Variants in ATF2 observed in about 807,000 individuals in gnomAD.
ATF2 encodes activating transcription factor 2.
A neutral mutation model predicts 60.6 loss-of-function variants in ATF2; 24 were observed. The observed-to-expected ratio is 0.40, with a 90% CI of 0.29 to 0.56. The LOEUF (loss-of-function observed/expected upper bound fraction) is 0.56, where lower values mean the gene tolerates loss of function less well. ATF2 is among the 20% of genes least tolerant of loss of function. The probability of loss-of-function intolerance (pLI) is 0.54; values close to 1 mark genes in which losing one functional copy is unlikely to be tolerated. For missense variants in ATF2, 433 were observed against 607.7 expected (o/e 0.71, Z 3.02); for synonymous variants, 206 against 215.4 (o/e 0.96, Z 0.38).
At chr2:175,158,376 T>C (rs539056829) in intron 1 of ATF2, among the ~76,000 whole-genome samples, 25 of 151,710 alleles carry the variant, frequency 1.6e-4, no homozygotes, top group African/African-American at 5.8e-4. Context: ...CAGGTACACA[T>C]GCCACCACAC....
intron 3 of ATF2, among the ~76,000 whole-genome samples, chr2:175,131,768 G>A (rs7571171): frequency 0.11 from 16,634 of 152,080 alleles, 1,223 homozygotes; most frequent in African/African-American, 0.21. Flanking sequence ...GTATGGCACC[G>A]CAGTTCTCAA....
At chr2:175,114,614 C>A in intron 8 of ATF2, 76 bp downstream of exon 8, 1 of 1,540,640 alleles carries the variant, frequency 6.5e-7, no homozygotes, top group South Asian at 1.3e-5. Flanking sequence ...TTTGAATAAT[C>A]AAATGTCTTA....
chr2:175,148,032 T>C (rs566227684), intron 2 of ATF2: 2 of 151,560 alleles, frequency 1.3e-5, no homozygotes, highest in Admixed American at 6.6e-5. Context: ...AGATTCAAAA[T>C]CATATTTTAG....
In ATF2 at chr2:175,118,281, G is replaced by C. The variant is rs771614896; in HGVS notation, c.288C>G (p.Phe96Leu). Residue 96 changes from phenylalanine to leucine, a missense_variant, in exon 6 of 14, where the codon TTC becomes TTG. Transcript: ENST00000264110. ...TAATGTCATCTTCTGAAGCTTTCTTGAATTCATTCTCAAATGGACTCGCCA... is the reference window on the plus strand; with the variant it reads ...TAATGTCATCTTCTGAAGCTTTCTTCAATTCATTCTCAAATGGACTCGCCA... The part of the protein sequence containing the change: ...NELASPFENE[F>L]KKASEDDIKK... The C allele has an allele frequency of 9.3e-6, 15 of 1,609,064 alleles. No homozygotes were observed. Among genetic ancestry groups the C allele is most frequent in the Non-Finnish European group, 1.1e-5 (13 of 1,177,808 alleles).
intron 5 of ATF2, 93 bp from the exon 6 acceptor site, chr2:175,118,462 C>G (rs1347289607): frequency 3.9e-6 from 4 of 1,032,058 alleles, no homozygotes; most frequent in Non-Finnish European, 5.6e-6. Flanking sequence ...AGGACTGGTT[C>G]AGTCAGTTGT....
intron 3 of ATF2, among the ~76,000 whole-genome samples, chr2:175,135,885 T>A (rs1261096476): frequency 2.0e-5 from 3 of 152,176 alleles, no homozygotes; most frequent in Non-Finnish European, 4.4e-5. Flanking sequence ...TTTCAAATAG[T>A]AGCTTGTTAA....
At chr2:175,096,781 G>A (rs1017292952) in intron 11 of ATF2, among the ~76,000 whole-genome samples, 7 of 152,104 alleles carry the variant, frequency 4.6e-5, no homozygotes, top group Admixed American at 1.3e-4. Context: ...GAAAAAGAAC[G>A]TAAGATTTAG....
chr2:175,082,396 A>T (rs952006293), intron 12 of ATF2, among the ~76,000 whole-genome samples: 4 of 152,222 alleles, frequency 2.6e-5, no homozygotes, highest in African/African-American at 7.2e-5. Context: ...CACCTTCTCC[A>T]ACTGGTGTCA....
chr2:175,110,381 A>G (rs754394970), intron 10 of ATF2, among the ~76,000 whole-genome samples: 2 of 145,606 alleles, frequency 1.4e-5, no homozygotes, highest in Non-Finnish European at 3.0e-5. Flanking sequence ...ATGTTTTAGC[A>G]TGTAAAAATT....
chr2:175,130,909 T>C (rs1165585287), intron 3 of ATF2, among the ~76,000 whole-genome samples: 3 of 152,174 alleles, frequency 2.0e-5, no homozygotes, highest in East Asian at 3.9e-4. Context: ...GGATCATAAG[T>C]TAATCTTCTG....
At chr2:175,132,158 GTAT>G (rs1697779190) in intron 3 of ATF2, among the ~76,000 whole-genome samples, 1 of 152,096 alleles carries the variant, frequency 6.6e-6, no homozygotes, top group African/African-American at 2.4e-5. Flanking sequence ...AAATATTTTA[GTAT>G]TATTATAAAA....
At chr2:175,121,583 G>C (rs759900275) in intron 4 of ATF2, 43 bp from the exon 5 acceptor site, 3 of 1,395,688 alleles carry the variant, frequency 2.1e-6, no homozygotes, top group East Asian at 4.7e-5. Context: ...TTTTCAATTT[G>C]ATCAAATAAG....
rs748101557 is a variant in ATF2, at chr2:175,130,192, C to A, written c.48G>T (p.Leu16=). ...AGGGTTTGTCATCACTCATATTCCA[C>A]AGGTCCTTGTATTGCCTATAATCAA... ...HVNSARQYKD[L]WNMSDDKPFL... The change falls in exon 4 of 14, where the codon CTG becomes CTT. Residue 16 remains leucine (L), a synonymous_variant. Coordinates refer to ENST00000264110, the MANE Select transcript of ATF2 (RefSeq NM_001880.4). 1 of 1,591,648 alleles carries A rather than the reference C, an allele frequency of 6.3e-7. No homozygotes were observed. The highest frequency in any genetic ancestry group is 8.6e-7 in the Non-Finnish European group (1 of 1,168,466).
intron 1 of ATF2, among the ~76,000 whole-genome samples, chr2:175,153,827 G>A (rs1295559288): frequency 2.8e-5 from 2 of 70,580 alleles, no homozygotes; most frequent in African/African-American, 9.3e-5. Flanking sequence ...GCGAGACTCT[G>A]CCTCAAAGAA....
chr2:175,146,424 T>C (rs757599624), intron 2 of ATF2, among the ~76,000 whole-genome samples: 4 of 152,220 alleles, frequency 2.6e-5, no homozygotes, highest in Admixed American at 1.3e-4. Flanking sequence ...TTCCTGACTT[T>C]CATGGACATA....
chr2:175,129,798 A>G (rs1697600130), intron 4 of ATF2, among the ~76,000 whole-genome samples: 1 of 152,032 alleles, frequency 6.6e-6, no homozygotes, highest in Non-Finnish European at 1.5e-5. Context: ...TTCTCATATA[A>G]TATCGATCTG....
At chr2:175,105,466 T>G (rs1464836690) in intron 10 of ATF2, among the ~76,000 whole-genome samples, 1 of 152,162 alleles carries the variant, frequency 6.6e-6, no homozygotes, top group Non-Finnish European at 1.5e-5. Flanking sequence ...CTGAACACAT[T>G]TGCAAGAAAA....
intron 3 of ATF2, among the ~76,000 whole-genome samples, chr2:175,131,319 A>G (rs893700549): frequency 2.6e-5 from 4 of 152,206 alleles, no homozygotes; most frequent in African/African-American, 7.2e-5. Context: ...CTGTCCTCAT[A>G]AAGAGAAATA....
At chr2:175,102,013 T>C (rs1695346215) in intron 10 of ATF2, among the ~76,000 whole-genome samples, 1 of 152,184 alleles carries the variant, frequency 6.6e-6, no homozygotes. Context: ...AATGTAAGGA[T>C]ATCTACAATC....
Sources: gnomAD v4.1 joint callset for allele counts (sites outside exome capture counted in the v4.1 genomes callset) on GRCh38, gnomAD v4.1.1 for gene constraint, MANE v1.5 for transcripts, NCBI Gene and HGNC (gene_info 2026-07-23, HGNC 2026-07-21) for gene names.